Variants in TCF7L2 observed in about 807,000 individuals in gnomAD.
TCF7L2 encodes transcription factor 7-like 2.
Under a neutral mutation model 77.9 loss-of-function variants are expected in TCF7L2, and 23 were observed. The ratio of observed to expected loss-of-function variants is 0.30; its 90% CI spans 0.21 to 0.42. TCF7L2 has a LOEUF of 0.42. Ranked by LOEUF, TCF7L2 falls within the 10% of genes least tolerant of loss-of-function variation. TCF7L2 has a pLI of 1.00. For missense variants in TCF7L2, 654 were observed against 793.1 expected (o/e 0.82, Z 2.11); for synonymous variants, 413 against 340.2 (o/e 1.21, Z -2.36).
At chr10:112,983,243 G>A (rs1302032802) in intron 4 of TCF7L2, among the ~76,000 whole-genome samples, 1 of 151,722 alleles carries the variant, frequency 6.6e-6, no homozygotes, top group Non-Finnish European at 1.5e-5. Flanking sequence ...AGGCCGAGGC[G>A]GGCAGATCAT....
intron 4 of TCF7L2, among the ~76,000 whole-genome samples, chr10:113,020,430 T>C (rs995078027): frequency 2.6e-5 from 4 of 152,142 alleles, no homozygotes; most frequent in Admixed American, 2.6e-4. Context: ...ATGAGCATCC[T>C]GCAGAGCTCG....
intron 5 of TCF7L2, among the ~76,000 whole-genome samples, chr10:113,094,740 C>G (rs1378501223): frequency 3.9e-5 from 6 of 152,218 alleles, no homozygotes; most frequent in Non-Finnish European, 7.3e-5. Flanking sequence ...ATATATGCCA[C>G]AAAAACTGTG....
chr10:113,162,735 T>C (rs918890025), intron 13 of TCF7L2, among the ~76,000 whole-genome samples: 1 of 152,188 alleles, frequency 6.6e-6, no homozygotes, highest in Non-Finnish European at 1.5e-5. Flanking sequence ...TGTTGGTGAC[T>C]TTTCCATACC....
intron 5 of TCF7L2, among the ~76,000 whole-genome samples, chr10:113,049,636 C>T (rs74157206): frequency 6.6e-6 from 1 of 152,112 alleles, no homozygotes; most frequent in East Asian, 1.9e-4. Flanking sequence ...ATAGCTCACT[C>T]CCATACTTTG....
intron 5 of TCF7L2, among the ~76,000 whole-genome samples, chr10:113,117,587 CTATTTAAGGA>C (rs955569926): frequency 6.6e-6 from 1 of 152,114 alleles, no homozygotes; most frequent in African/African-American, 2.4e-5. Flanking sequence ...ATGATTATCC[CTATTTAAGGA>C]AAAAAAGAAT....
Position 112,950,534 on chromosome 10 carries a change from CAA to C in TCF7L2, c.-221_-220del, listed in dbSNP as rs1020077138. The C allele has an allele frequency of 4.2e-6, 2 of 480,612 alleles. No individual in the cohort carries two copies. The highest frequency in any genetic ancestry group is 4.2e-5 in the African/African-American group (2 of 48,066). The allele number at this position is 480,612 out of a possible 1,614,324, so 29.8% of individuals were successfully genotyped here. On this transcript the variant is annotated 5_prime_UTR_variant, in exon 1 of 14. Coordinates refer to ENST00000627217, the MANE Select transcript of TCF7L2 (RefSeq NM_001146274.2). The stretch of plus-strand genomic sequence containing the variant: ...TTGGGAACGAGAGAAAAAAGAAACC[CAA>C]ACTCACGCGTGCAGAAGATCTCCCC...
intron 12 of TCF7L2, 73 bp downstream of exon 12, chr10:113,158,142 T>G: frequency 6.6e-7 from 1 of 1,504,082 alleles, no homozygotes; most frequent in East Asian, 2.4e-5. Context: ...GGTTTCCATC[T>G]GGGGGAGGCA....
chr10:113,048,746 T>C (rs1272545227), intron 5 of TCF7L2, among the ~76,000 whole-genome samples: 1 of 152,190 alleles, frequency 6.6e-6, no homozygotes, highest in Non-Finnish European at 1.5e-5. Flanking sequence ...AGGGCTCCTA[T>C]CTCTCCTCAA....
chr10:113,139,887 A>G (rs1026649362), intron 5 of TCF7L2, among the ~76,000 whole-genome samples: 2 of 151,792 alleles, frequency 1.3e-5, no homozygotes, highest in Non-Finnish European at 1.5e-5. Context: ...TCAGCTCAAC[A>G]GGCACTAGTG....
At chr10:112,961,203 C>T (rs905534244) in intron 3 of TCF7L2, among the ~76,000 whole-genome samples, 5 of 133,994 alleles carry the variant, frequency 3.7e-5, no homozygotes, top group South Asian at 2.4e-4. Flanking sequence ...TTAGTAGAGA[C>T]GGGGTTTCAC....
At chr10:113,005,047 G>A (rs181336564) in intron 4 of TCF7L2, among the ~76,000 whole-genome samples, 46 of 152,296 alleles carry the variant, frequency 3.0e-4, no homozygotes, top group African/African-American at 1.0e-3. Context: ...TAGCTGCCTC[G>A]GTTCAGGGGA....
intron 5 of TCF7L2, among the ~76,000 whole-genome samples, chr10:113,114,555 A>G (rs1024915838): frequency 2.0e-5 from 3 of 152,174 alleles, no homozygotes; most frequent in African/African-American, 7.2e-5. Flanking sequence ...AATGATGACA[A>G]TCTATCAGTC....
intron 4 of TCF7L2, among the ~76,000 whole-genome samples, chr10:112,970,451 A>C (rs1326009219): frequency 1.3e-5 from 2 of 151,714 alleles, no homozygotes; most frequent in African/African-American, 2.4e-5. Flanking sequence ...AGGAGAGAAG[A>C]ATACTAACTG....
At chr10:113,001,451 G>C (rs1478093378) in intron 4 of TCF7L2, among the ~76,000 whole-genome samples, 1 of 152,190 alleles carries the variant, frequency 6.6e-6, no homozygotes, top group Non-Finnish European at 1.5e-5. Flanking sequence ...AGAAGTGGCT[G>C]GCTGGCTGGG....
At chr10:112,967,146 G>A (rs1001002004) in intron 4 of TCF7L2, among the ~76,000 whole-genome samples, 15 of 152,148 alleles carry the variant, frequency 9.9e-5, no homozygotes, top group South Asian at 4.1e-4. Flanking sequence ...TAATCTTTTC[G>A]CTCTGGATGT....
Position 113,084,929 on chromosome 10 carries a change from A to G in TCF7L2, c.552+44803A>G, listed in dbSNP as rs369485789. Among the ~76,000 whole-genome samples, 55 of 151,568 alleles carry G rather than the reference A, an allele frequency of 3.6e-4. No individual in the cohort carries two copies. In the South Asian group the frequency reaches 0.012, roughly 32 times the overall value. On this transcript the variant is annotated intron_variant, in intron 5 of 13. Transcript: ENST00000627217. ...CCCCCCCAAAAAAAAAAAACAAAAA[A>G]CCCTGACACATAAAATTAATCACCA...
At chr10:113,116,585 C>T (rs1053706966) in intron 5 of TCF7L2, among the ~76,000 whole-genome samples, 4 of 152,028 alleles carry the variant, frequency 2.6e-5, no homozygotes, top group Admixed American at 6.5e-5. Context: ...TTTGTGAAAT[C>T]GTTGTTTATA....
At chr10:112,950,982 C>T (rs1331992841) in intron 1 of TCF7L2, 37 bp downstream of exon 1, 1 of 1,585,560 alleles carries the variant, frequency 6.3e-7, no homozygotes, top group Non-Finnish European at 8.6e-7. Flanking sequence ...GGTTTTTTAT[C>T]TGTTTCCTGG....
At chr10:112,964,653 G>T in intron 4 of TCF7L2, 29 bp downstream of exon 4, 2 of 1,597,716 alleles carry the variant, frequency 1.3e-6, no homozygotes, top group Middle Eastern at 1.7e-4. Context: ...TCTGAAGCTT[G>T]AATTGTCTAT....
Sources: gnomAD v4.1 joint callset for allele counts (sites outside exome capture counted in the v4.1 genomes callset) on GRCh38, gnomAD v4.1.1 for gene constraint, MANE v1.5 for transcripts, NCBI Gene and HGNC (gene_info 2026-07-23, HGNC 2026-07-21) for gene names.